ANO10: variants seen among roughly 807,000 people sequenced by gnomAD.
The protein encoded by ANO10 is anoctamin-10.
In ANO10, 77 loss-of-function variants were observed where a neutral mutation model predicts 74.7. The observed-to-expected ratio is 1.03, with a 90% CI of 0.86 to 1.25. The LOEUF (loss-of-function observed/expected upper bound fraction) is 1.25. ANO10 is among the 50% of genes most tolerant of loss of function. The pLI, the probability that ANO10 is intolerant of heterozygous loss-of-function variation, is 0.00. For synonymous variants in ANO10, 279 were observed against 284.9 expected, an observed-to-expected ratio of 0.98 and a Z score of 0.21; for missense variants, 721 against 778.1, an observed-to-expected ratio of 0.93 and a Z score of 0.87.
intron 1 of ANO10, among the ~76,000 whole-genome samples, chr3:43,678,146 C>G (rs2084146836): frequency 6.6e-6 from 1 of 152,168 alleles, no homozygotes; most frequent in Non-Finnish European, 1.5e-5. Flanking sequence ...TTACATTAGC[C>G]TACTGTTATG....
chr3:43,643,678 C>CTTTTTTTTT (rs1310556861), intron 1 of ANO10, among the ~76,000 whole-genome samples: 7 of 133,620 alleles, frequency 5.2e-5, no homozygotes, highest in African/African-American at 2.2e-4. Flanking sequence ...TTGTCCTCAT[C>CTTTTTTTTT]TTTTCTTTTT....
chr3:43,686,067 G>C (rs2084270854), intron 1 of ANO10, among the ~76,000 whole-genome samples: 1 of 152,124 alleles, frequency 6.6e-6, no homozygotes, highest in Non-Finnish European at 1.5e-5. Context: ...CTGGAGGGCA[G>C]CTCTACCACT....
chr3:43,544,523 T>TG (rs2079093118), intron 11 of ANO10, among the ~76,000 whole-genome samples: 1 of 152,096 alleles, frequency 6.6e-6, no homozygotes, highest in African/African-American at 2.4e-5. Flanking sequence ...CTGGGTATGG[T>TG]GGTTCACACC....
rs113504680 is a variant in ANO10, at chr3:43,666,135, C to T, written c.-12+25382G>A. 5.7e-3 allele frequency among the ~76,000 whole-genome samples: 868 copies of T among 152,146 alleles called. 8 individuals carry two copies. Among genetic ancestry groups the T allele is most frequent in the Admixed American group, 0.012 (183 of 15,286 alleles). ...AAACCCTGATTTGTATGCTATTCAACGTACAAACACTGGTTTTGAAATAAA... is the reference window on the plus strand; with the variant it reads ...AAACCCTGATTTGTATGCTATTCAATGTACAAACACTGGTTTTGAAATAAA... On this transcript the variant is annotated intron_variant, in intron 1 of 3. Transcript: ENST00000413397.
At chr3:43,684,279 C>G (rs1489647917) in intron 1 of ANO10, among the ~76,000 whole-genome samples, 1 of 152,130 alleles carries the variant, frequency 6.6e-6, no homozygotes, top group African/African-American at 2.4e-5. Flanking sequence ...AGGATATGGA[C>G]AGACAATTCT....
chr3:43,662,950 T>C (rs1373575328), intron 1 of ANO10, among the ~76,000 whole-genome samples: 1 of 152,198 alleles, frequency 6.6e-6, no homozygotes, highest in African/African-American at 2.4e-5. Context: ...CACAGCTGAA[T>C]TCTACCAGAG....
At chr3:43,641,794 A>G (rs1006738390) in intron 1 of ANO10, among the ~76,000 whole-genome samples, 1 of 152,146 alleles carries the variant, frequency 6.6e-6, no homozygotes, top group Non-Finnish European at 1.5e-5. Flanking sequence ...GTTTTGTTTC[A>G]TCTTCAGAAT....
intron 1 of ANO10, among the ~76,000 whole-genome samples, chr3:43,643,895 A>T (rs1559382232): frequency 6.6e-6 from 1 of 152,014 alleles, no homozygotes; most frequent in Non-Finnish European, 1.5e-5. Flanking sequence ...TGTGTTAGCC[A>T]GGATGGTCTC....
At chr3:43,375,814 A>G (rs1559488347) in intron 12 of ANO10, among the ~76,000 whole-genome samples, 2 of 152,214 alleles carry the variant, frequency 1.3e-5, no homozygotes, top group African/African-American at 2.4e-5. Context: ...GTGTCTTCCT[A>G]GAACAGAAGC....
intron 1 of ANO10, chr3:43,652,973 G>A (rs7646088): frequency 0.1 from 15,807 of 151,852 alleles, 1,748 homozygotes; most frequent in African/African-American, 0.27. Flanking sequence ...TTGGGAGGCC[G>A]AGGTGGGCGG....
At chr3:43,437,277 C>T (rs1437555065) in intron 11 of ANO10, among the ~76,000 whole-genome samples, 2 of 152,096 alleles carry the variant, frequency 1.3e-5, no homozygotes, top group Non-Finnish European at 2.9e-5. Context: ...AAGGTAAAGG[C>T]AGGTACTCTC....
intron 1 of ANO10, among the ~76,000 whole-genome samples, chr3:43,679,219 G>C (rs1186132871): frequency 6.6e-6 from 1 of 152,132 alleles, no homozygotes; most frequent in Non-Finnish European, 1.5e-5. Context: ...GATGGCACCT[G>C]AAAAATCGGG....
chr3:43,559,476 A>T (rs938499286), intron 9 of ANO10, among the ~76,000 whole-genome samples: 2 of 152,184 alleles, frequency 1.3e-5, no homozygotes, highest in Non-Finnish European at 2.9e-5. Flanking sequence ...ATTGCAGAAA[A>T]CTGTGAGGGG....
At chr3:43,428,193 G>A (rs1311865569) in intron 12 of ANO10, among the ~76,000 whole-genome samples, 2 of 151,934 alleles carry the variant, frequency 1.3e-5, no homozygotes, top group South Asian at 4.2e-4. Flanking sequence ...GGGATTACAG[G>A]TGTGTGCCAC....
At position 43,671,450 on chromosome 3, in the gene ANO10, A is replaced by T. The variant is rs973599777; in HGVS notation, c.-12+20067T>A. Among the ~76,000 whole-genome samples the T allele has an allele frequency of 2.5e-4, 38 of 152,164 alleles. 1 individual carries two copies. The highest frequency in any genetic ancestry group is 1.2e-4 in the Non-Finnish European group (8 of 68,030). On this transcript the variant is annotated intron_variant, in intron 1 of 3. Transcript: ENST00000413397. ...TTAGGTGTAGTGAACTGGAAGCTCT[A>T]GGAGACTCAAGGAAGAAAACATAGG...
At chr3:43,422,420 TG>T (rs888958175) in intron 12 of ANO10, among the ~76,000 whole-genome samples, 1 of 152,218 alleles carries the variant, frequency 6.6e-6, no homozygotes, top group Non-Finnish European at 1.5e-5. Context: ...CACCCTTTTT[TG>T]TTGTTTTTAA....
intron 7 of ANO10, among the ~76,000 whole-genome samples, chr3:43,568,442 A>T (rs1308531559): frequency 2.0e-5 from 3 of 151,990 alleles, no homozygotes; most frequent in Non-Finnish European, 1.5e-5. Flanking sequence ...GAAGTAAAGC[A>T]CTCCTCAGCA....
At chr3:43,619,821 G>A (rs2083295330) in intron 1 of ANO10, among the ~76,000 whole-genome samples, 2 of 148,952 alleles carry the variant, frequency 1.3e-5, no homozygotes, top group South Asian at 4.2e-4. Context: ...AGCTGTGACT[G>A]CACCACTGCA....
chr3:43,660,890 G>A (rs1396190405), intron 1 of ANO10, among the ~76,000 whole-genome samples: 1 of 152,176 alleles, frequency 6.6e-6, no homozygotes, highest in East Asian at 1.9e-4. Flanking sequence ...GGAGACGGAG[G>A]TTGCGTTGAG....
Sources: gnomAD v4.1 joint callset for allele counts (sites outside exome capture counted in the v4.1 genomes callset) on GRCh38, gnomAD v4.1.1 for gene constraint, MANE v1.5 for transcripts, NCBI Gene and HGNC (gene_info 2026-07-23, HGNC 2026-07-21) for gene names.